Variants in PPP4R3B observed in about 807,000 individuals in gnomAD.
PPP4R3B encodes serine/threonine-protein phosphatase 4 regulatory subunit 3B.
In PPP4R3B, 52 loss-of-function variants were observed where a neutral mutation model predicts 95.4. That is an observed-to-expected ratio of 0.54 (90% CI 0.44 to 0.69). PPP4R3B has a LOEUF of 0.69. Among genes scored for constraint, PPP4R3B ranks in the 30% least tolerant of loss-of-function variants. PPP4R3B has a pLI of 0.00. For missense variants in PPP4R3B, 1,003 were observed against 1,005.9 expected (o/e 1.00, Z 0.04); for synonymous variants, 407 against 343.9 (o/e 1.18, Z -2.03).
Position 55,617,261 on chromosome 2 carries a change from T to G in PPP4R3B, c.25A>C (p.Lys9Gln). The G allele has an allele frequency of 1.2e-6, 2 of 1,603,514 alleles. No individual in the cohort carries two copies. Among genetic ancestry groups the G allele is most frequent in the Non-Finnish European group, 1.7e-6 (2 of 1,173,404 alleles). The change falls in exon 1 of 17, where the codon AAG becomes CAG. Residue 9 changes from lysine to glutamine, a missense_variant. Lys to Gln is a moderately conservative substitution (Grantham distance 53). Around this residue, in one of 3 missense-constraint regions of PPP4R3B, gnomAD observed 695 missense variants for 686.2 expected, o/e 1.01. Coordinates refer to ENST00000616407, the MANE Select transcript of PPP4R3B (RefSeq NM_001122964.3). ...CGGTCTTCGTTCAGGGTATAGACCTTCACTCGCCGCCGCGTATCCGACATG... is the reference window on the plus strand; with the variant it reads ...CGGTCTTCGTTCAGGGTATAGACCTGCACTCGCCGCCGCGTATCCGACATG... MSDTRRRVKVYTLNEDRQW... is the reference protein window; with the variant it reads MSDTRRRVQVYTLNEDRQW...
chr2:55,570,256 C>G (rs566245116), intron 12 of PPP4R3B, among the ~76,000 whole-genome samples: 1 of 152,160 alleles, frequency 6.6e-6, no homozygotes, highest in African/African-American at 2.4e-5. Flanking sequence ...TCTCAAAAAA[C>G]AAACAATTTG....
rs1274698601 is a variant in PPP4R3B at position 55,617,399 on chromosome 2, G to A, written c.-114C>T. On this transcript the variant is annotated 5_prime_UTR_variant, in exon 1 of 17. Transcript: ENST00000616407. ...TGGCGGTGGCGGCGGCGGCGGCTTC[G>A]GAGAGGCCCGAATTCACCATGGCTC... 5 of 1,247,228 alleles carry A rather than the reference G, an allele frequency of 4.0e-6. No individual in the cohort carries two copies. The highest frequency in any genetic ancestry group is 4.2e-6 in the Non-Finnish European group (4 of 947,506). The allele number at this position is 1,247,228 out of a possible 1,614,324, so 77.3% of individuals were successfully genotyped here. A position where few individuals can be genotyped will look rare whatever the true frequency, so the allele number is the denominator to read the frequency against.
intron 2 of PPP4R3B, among the ~76,000 whole-genome samples, chr2:55,613,419 G>C (rs73940300): frequency 0.037 from 5,583 of 150,758 alleles, 340 homozygotes; most frequent in African/African-American, 0.13. Flanking sequence ...TTATTTAAAT[G>C]TGATTACAGA....
intron 16 of PPP4R3B, among the ~76,000 whole-genome samples, chr2:55,553,058 T>TCCA (rs925786495): frequency 6.6e-5 from 10 of 152,128 alleles, no homozygotes; most frequent in African/African-American, 2.4e-4. Context: ...TTTCTGTTCC[T>TCCA]CCACCATCAC....
Position 55,564,952 on chromosome 2 carries a change from C to T in PPP4R3B, c.2025G>A (p.Leu675=). ...CTTTTTCTTGCTCATATTTAGTCTT[C>T]AATCCTTTGAATGTCTGAACATATT... ...SIEYVQTFKG[L]KTKYEQEKDR... Residue 675 remains leucine (L), a synonymous_variant, in exon 14 of 17, where the codon TTG becomes TTA. Coordinates refer to ENST00000616407, the MANE Select transcript of PPP4R3B (RefSeq NM_001122964.3). 6.2e-7 allele frequency: 1 copy of T among 1,610,560 alleles called. No individual in the cohort carries two copies. Among genetic ancestry groups the T allele is most frequent in the Non-Finnish European group, 8.5e-7 (1 of 1,178,748 alleles).
At chr2:55,550,405 C>T (rs988114921) in intron 16 of PPP4R3B, among the ~76,000 whole-genome samples, 1 of 152,184 alleles carries the variant, frequency 6.6e-6, no homozygotes, top group African/African-American at 2.4e-5. Context: ...CTTTGTTCAT[C>T]TTGTGTATAT....
intron 2 of PPP4R3B, among the ~76,000 whole-genome samples, chr2:55,613,228 A>G (rs1353528027): frequency 1.3e-5 from 2 of 152,166 alleles, no homozygotes; most frequent in African/African-American, 4.8e-5. Flanking sequence ...TTCAATTAGA[A>G]AAGTGTACTC....
chr2:55,616,406 C>G (rs750094917), intron 1 of PPP4R3B: 3 of 152,190 alleles, frequency 2.0e-5, no homozygotes, highest in Non-Finnish European at 4.4e-5. Flanking sequence ...ATCAGTTGTT[C>G]AAATCAAGTC....
At chr2:55,550,109 A>T in intron 16 of PPP4R3B, 103 bp from the exon 17 acceptor site, 1 of 759,220 alleles carries the variant, frequency 1.3e-6, no homozygotes. Flanking sequence ...CGTTTTTCTA[A>T]ATCATATCAG....
At chr2:55,552,020 C>G (rs1008254978) in intron 16 of PPP4R3B, among the ~76,000 whole-genome samples, 10 of 152,170 alleles carry the variant, frequency 6.6e-5, no homozygotes, top group African/African-American at 1.7e-4. Context: ...TCATAACGTA[C>G]AAACATTTGT....
chr2:55,606,627 G>C (rs1261120661), intron 2 of PPP4R3B, among the ~76,000 whole-genome samples: 1 of 151,948 alleles, frequency 6.6e-6, no homozygotes, highest in East Asian at 1.9e-4. Flanking sequence ...TTTGAGACCA[G>C]TATGGCCAAC....
At chr2:55,560,778 G>GAAAAAAAAAAAAAAAA (rs545517387) in intron 15 of PPP4R3B, among the ~76,000 whole-genome samples, 1 of 91,420 alleles carries the variant, frequency 1.1e-5, no homozygotes, top group Non-Finnish European at 2.0e-5. Context: ...CTCCATCTCA[G>GAAAAAAAAAAAAAAAA]AAAAAAAAAA....
chr2:55,605,424 G>A (rs991748655), intron 2 of PPP4R3B, among the ~76,000 whole-genome samples: 1 of 152,070 alleles, frequency 6.6e-6, no homozygotes, highest in Admixed American at 6.6e-5. Context: ...AGTACTTTTT[G>A]GCTTTAAACA....
intron 16 of PPP4R3B, among the ~76,000 whole-genome samples, chr2:55,550,560 G>C (rs1408159351): frequency 6.6e-6 from 1 of 152,184 alleles, no homozygotes; most frequent in Non-Finnish European, 1.5e-5. Flanking sequence ...TAAGGATGAG[G>C]TAATTCGTGG....
intron 15 of PPP4R3B, 64 bp downstream of exon 15, chr2:55,564,249 G>A (rs1686993987): frequency 1.7e-5 from 23 of 1,384,536 alleles, no homozygotes; most frequent in Non-Finnish European, 2.2e-5. Context: ...CCTTCACAAA[G>A]CAACAAAATA....
Position 55,549,005 on chromosome 2 carries a change from T to C in PPP4R3B, c.*906A>G, listed in dbSNP as rs1280251746. On this transcript the variant is annotated 3_prime_UTR_variant, in exon 17 of 17. Coordinates refer to ENST00000616407, the MANE Select transcript of PPP4R3B (RefSeq NM_001122964.3). ...CTTCTAGATACTAAATGCCACTTAA[T>C]TCAGCACTATTCTTGGTTGGTCTGT... 2 of 152,598 alleles carry C rather than the reference T, an allele frequency of 1.3e-5. No homozygotes were observed. Among genetic ancestry groups the C allele is most frequent in the Non-Finnish European group, 2.9e-5 (2 of 68,042 alleles). 9.5% of individuals were successfully genotyped at this position (152,598 alleles called of 1,614,324 possible). A position where few individuals can be genotyped will look rare whatever the true frequency, so the allele number is the denominator to read the frequency against.
At chr2:55,594,023 A>G (rs528298055) in intron 4 of PPP4R3B, among the ~76,000 whole-genome samples, 31 of 152,338 alleles carry the variant, frequency 2.0e-4, no homozygotes, top group Admixed American at 2.0e-3. Flanking sequence ...AGCAACATGA[A>G]TGGAGCTGGA....
At chr2:55,557,128 C>T (rs1445351155) in intron 16 of PPP4R3B, among the ~76,000 whole-genome samples, 2 of 152,174 alleles carry the variant, frequency 1.3e-5, no homozygotes, top group African/African-American at 4.8e-5. Flanking sequence ...GATTAAATAA[C>T]TTATACAAGG....
intron 11 of PPP4R3B, among the ~76,000 whole-genome samples, chr2:55,576,675 C>T (rs537726336): frequency 1.3e-5 from 2 of 152,232 alleles, no homozygotes; most frequent in South Asian, 4.2e-4. Context: ...GCACTCCAGC[C>T]TGGGCGACAG....
Sources: allele counts gnomAD v4.1 joint callset (sites outside exome capture counted in the v4.1 genomes callset), GRCh38; gene constraint gnomAD v4.1.1; regional missense constraint gnomAD v4.1.1; transcripts MANE v1.5; gene names NCBI Gene and HGNC (gene_info 2026-07-23, HGNC 2026-07-21).